Variants in UBAC2 observed in about 807,000 individuals in gnomAD.
UBAC2 encodes UBA domain containing 2, also known as ubiquitin-associated domain-containing protein 2.
In UBAC2, 26 loss-of-function variants were observed where a neutral mutation model predicts 44.0. The ratio of observed to expected loss-of-function variants is 0.59; its 90% confidence interval spans 0.43 to 0.82. UBAC2 has a LOEUF of 0.82. Ranked by LOEUF, UBAC2 falls within the 40% of genes least tolerant of loss-of-function variation. The probability of loss-of-function intolerance (pLI) is 0.00; values close to 1 mark genes in which losing one functional copy is unlikely to be tolerated. For missense variants in UBAC2, 329 were observed against 419.4 expected, an observed-to-expected ratio of 0.78 and a Z score of 1.88; for synonymous variants, 155 against 154.3, an observed-to-expected ratio of 1.00 and a Z score of -0.04.
intron 7 of UBAC2, among the ~76,000 whole-genome samples, chr13:99,347,799 T>A (rs1594154358): frequency 6.6e-6 from 1 of 150,688 alleles, no homozygotes; most frequent in Non-Finnish European, 1.5e-5. Flanking sequence ...TCTGGACATT[T>A]CCCGCCAGCA....
chr13:99,213,296 C>T (rs1041751780), intron 1 of UBAC2, among the ~76,000 whole-genome samples: 2 of 151,690 alleles, frequency 1.3e-5, no homozygotes, highest in Non-Finnish European at 2.9e-5. Context: ...CTCAGGTGAT[C>T]TGCCTTTCTT....
intron 7 of UBAC2, among the ~76,000 whole-genome samples, chr13:99,353,683 A>G (rs2045131277): frequency 6.6e-6 from 1 of 152,194 alleles, no homozygotes. Flanking sequence ...AACCAGGGGT[A>G]TATTAGAAAA....
chr13:99,280,828 T>C (rs1254022902), intron 4 of UBAC2, among the ~76,000 whole-genome samples: 3 of 101,668 alleles, frequency 3.0e-5, no homozygotes, highest in African/African-American at 8.3e-5. Context: ...CCTTCTTCTT[T>C]CCCTCTCTCT....
At chr13:99,315,197 A>G (rs2044472092) in intron 5 of UBAC2, among the ~76,000 whole-genome samples, 1 of 152,020 alleles carries the variant, frequency 6.6e-6, no homozygotes, top group African/African-American at 2.4e-5. Flanking sequence ...CCGTACCGTT[A>G]CACGCCCCCT....
At chr13:99,259,343 T>C (rs2043621945) in intron 4 of UBAC2, among the ~76,000 whole-genome samples, 1 of 146,108 alleles carries the variant, frequency 6.8e-6, no homozygotes, top group Non-Finnish European at 1.5e-5. Flanking sequence ...TTGGGGTCCA[T>C]CCTTTTTTTT....
chr13:99,368,935 T>C (rs2045370385), intron 8 of UBAC2, among the ~76,000 whole-genome samples: 1 of 151,860 alleles, frequency 6.6e-6, no homozygotes, highest in African/African-American at 2.4e-5. Flanking sequence ...AAGGAAGTGA[T>C]CAGTCACTGC....
chr13:99,358,324 G>C (rs556800139), intron 7 of UBAC2, among the ~76,000 whole-genome samples: 1 of 152,274 alleles, frequency 6.6e-6, no homozygotes, highest in East Asian at 1.9e-4. Context: ...TTTTCTAACT[G>C]TGTATCTATG....
At chr13:99,315,189 G>A (rs956213565) in intron 5 of UBAC2, among the ~76,000 whole-genome samples, 7 of 151,746 alleles carry the variant, frequency 4.6e-5, no homozygotes, top group African/African-American at 7.3e-5. Flanking sequence ...CTCAACCCCC[G>A]TACCGTTACA....
At chr13:99,352,428 T>C (rs1594160582) in intron 7 of UBAC2, among the ~76,000 whole-genome samples, 3 of 152,350 alleles carry the variant, frequency 2.0e-5, no homozygotes, top group Admixed American at 2.0e-4. Context: ...TGGAAGCATA[T>C]GTAGCTGATC....
At chr13:99,352,968 C>T (rs895691563) in intron 7 of UBAC2, among the ~76,000 whole-genome samples, 2 of 152,196 alleles carry the variant, frequency 1.3e-5, no homozygotes. Context: ...TCTCATGTGT[C>T]CCGAGCATCC....
intron 4 of UBAC2, among the ~76,000 whole-genome samples, chr13:99,303,823 AG>A (rs1010687374): frequency 2.6e-5 from 4 of 152,240 alleles, no homozygotes; most frequent in Non-Finnish European, 5.9e-5. Context: ...ACTGAATTCC[AG>A]GTCAACTCGG....
chr13:99,229,774 T>A (rs1337585577), intron 1 of UBAC2, among the ~76,000 whole-genome samples: 1 of 152,230 alleles, frequency 6.6e-6, no homozygotes, highest in South Asian at 2.1e-4. Context: ...TTAGACTTTC[T>A]CTTATAAATG....
chr13:99,351,300 T>G (rs2045084185), intron 7 of UBAC2, among the ~76,000 whole-genome samples: 1 of 152,234 alleles, frequency 6.6e-6, no homozygotes, highest in South Asian at 2.1e-4. Flanking sequence ...CGTAAAAGCT[T>G]GTAACCTCTA....
At chr13:99,213,393 C>T (rs1405556362) in intron 1 of UBAC2, among the ~76,000 whole-genome samples, 1 of 151,842 alleles carries the variant, frequency 6.6e-6, no homozygotes, top group Non-Finnish European at 1.5e-5. Flanking sequence ...CAAGGTCTTG[C>T]TCTGTCGTCC....
intron 1 of UBAC2, among the ~76,000 whole-genome samples, chr13:99,208,393 G>A (rs80193525): frequency 0.014 from 2,167 of 152,250 alleles, 54 homozygotes; most frequent in African/African-American, 0.049. Flanking sequence ...TTAATTAACT[G>A]ATTCAGCAGA....
chr13:99,256,016 T>A, intron 4 of UBAC2: 1 of 704,740 alleles, frequency 1.4e-6, no homozygotes, highest in Non-Finnish European at 2.3e-6. Flanking sequence ...CGAGAGCATT[T>A]AATCAAGGAA....
At chr13:99,265,219 A>T (rs1430860379) in intron 4 of UBAC2, among the ~76,000 whole-genome samples, 1 of 152,154 alleles carries the variant, frequency 6.6e-6, no homozygotes, top group Non-Finnish European at 1.5e-5. Context: ...TTATCTTCTT[A>T]TTGCTAATAC....
intron 1 of UBAC2, among the ~76,000 whole-genome samples, chr13:99,229,102 A>C (rs1450069141): frequency 6.6e-6 from 1 of 152,126 alleles, no homozygotes. Context: ...TTTATGGTGG[A>C]TGTAGCGAAG....
intron 4 of UBAC2, among the ~76,000 whole-genome samples, chr13:99,260,430 T>C: frequency 6.6e-6 from 1 of 152,180 alleles, no homozygotes; most frequent in East Asian, 1.9e-4. Context: ...GAGGAATGGA[T>C]AAATGTCTGG....
Sources: gnomAD v4.1 joint callset for allele counts (sites outside exome capture counted in the v4.1 genomes callset) on GRCh38, gnomAD v4.1.1 for gene constraint, MANE v1.5 for transcripts, NCBI Gene and HGNC (gene_info 2026-07-23, HGNC 2026-07-21) for gene names.